The following ALMS1 variants were observed in gnomAD, a reference collection of about 807,000 sequenced individuals.
ALMS1 encodes the protein centrosome-associated protein ALMS1.
In ALMS1, 271 loss-of-function variants were observed where a neutral mutation model predicts 352.2. The ratio of observed to expected loss-of-function variants is 0.77; its 90% confidence interval spans 0.70 to 0.85. The LOEUF (loss-of-function observed/expected upper bound fraction) is 0.85. ALMS1 is among the 40% of genes least tolerant of loss of function. ALMS1 has a pLI of 0.00. For synonymous variants in ALMS1, 1,865 were observed against 1,761.2 expected, an observed-to-expected ratio of 1.06 and a Z score of -1.48; for missense variants, 5,445 against 4,870.7, an observed-to-expected ratio of 1.12 and a Z score of -3.51.
At position 73,491,329 on chromosome 2, in the gene ALMS1, G is replaced by A. The variant is rs182476784; in HGVS notation, c.9370G>A (p.Asp3124Asn). 1 of 1,614,144 alleles carries A rather than the reference G, an allele frequency of 6.2e-7. No individual in the cohort carries two copies. Among genetic ancestry groups the A allele is most frequent in the East Asian group, 2.2e-5 (1 of 44,872 alleles). Residue 3124 changes from aspartate to asparagine, a missense_variant, in exon 10 of 23, where the codon GAT becomes AAT. Physicochemically the swap from Asp to Asn is conservative, Grantham distance 23. Transcript: ENST00000613296. ...LGFLGPKSSL[D>N]FQVVQPSLPD... ...TTTTCTAGGACCTAAATCTTCACTG[G>A]ATTTCCAAGTCGTACAGCCTTCTCT...
At position 73,448,673 on chromosome 2, in the gene ALMS1, C is replaced by T. The variant is rs1205026049; in HGVS notation, c.2146C>T (p.His716Tyr). The T allele has an allele frequency of 1.2e-6, 2 of 1,611,682 alleles. No individual in the cohort carries two copies. Among genetic ancestry groups the T allele is most frequent in the Admixed American group, 1.7e-5 (1 of 59,824 alleles). ...GACAGCAACAGTACTCTCTACTCCC[C>T]ACTCACATAGAGAGAAGCCTGGTAT... is the stretch of plus-strand genomic sequence containing the variant. The part of the protein sequence containing the change: ...TGTATVLSTP[H>Y]SHREKPGIFY... Residue 716 changes from histidine to tyrosine, a missense_variant, in exon 8 of 23, where the codon CAC (histidine) becomes TAC (tyrosine). By Grantham distance (83) the His-to-Tyr change is moderately conservative. Transcript: ENST00000613296.
chr2:73,568,237 G>A (rs62149777), intron 15 of ALMS1, among the ~76,000 whole-genome samples: 18,885 of 152,196 alleles, frequency 0.12, 1,480 homozygotes, highest in Admixed American at 0.18. Flanking sequence ...AAACATTCAT[G>A]TACTCTTATA....
intron 10 of ALMS1, among the ~76,000 whole-genome samples, chr2:73,493,059 A>G (rs759369321): frequency 6.6e-6 from 1 of 152,184 alleles, no homozygotes; most frequent in Non-Finnish European, 1.5e-5. Context: ...AAGGTATTGT[A>G]CTGAATACCT....
intron 12 of ALMS1, among the ~76,000 whole-genome samples, chr2:73,547,159 C>G (rs751479840): frequency 1.1e-4 from 17 of 152,066 alleles, no homozygotes; most frequent in Non-Finnish European, 1.9e-4. Flanking sequence ...TGTAAATGTT[C>G]TGATTATGTT....
At chr2:73,454,349 A>G in intron 8 of ALMS1, 4 of 985,364 alleles carry the variant, frequency 4.1e-6, no homozygotes, top group Non-Finnish European at 4.8e-6. Context: ...TAGGAGAAGT[A>G]GATTCTGATG....
chr2:73,447,643 C>G (rs1019014094), intron 7 of ALMS1, among the ~76,000 whole-genome samples: 1 of 152,116 alleles, frequency 6.6e-6, no homozygotes, highest in African/African-American at 2.4e-5. Flanking sequence ...AGGGTGAAAT[C>G]AAATCCTAGA....
At chr2:73,395,820 A>G (rs1427817393) in intron 1 of ALMS1, among the ~76,000 whole-genome samples, 1 of 152,098 alleles carries the variant, frequency 6.6e-6, no homozygotes, top group Non-Finnish European at 1.5e-5. Context: ...CTTTAGTAAA[A>G]TATTCAATAG....
At chr2:73,553,915 G>T (rs952228642) in intron 13 of ALMS1, among the ~76,000 whole-genome samples, 3 of 152,000 alleles carry the variant, frequency 2.0e-5, no homozygotes, top group African/African-American at 4.8e-5. Flanking sequence ...GATAATTTCT[G>T]GAACATAAAA....
At chr2:73,484,997 C>T (rs1205572510) in intron 9 of ALMS1, among the ~76,000 whole-genome samples, 1 of 147,280 alleles carries the variant, frequency 6.8e-6, no homozygotes, top group African/African-American at 2.5e-5. Context: ...TCAAAGTTTT[C>T]AACTTCTTTG....
chr2:73,590,852 TG>T (rs1675418057), intron 16 of ALMS1, among the ~76,000 whole-genome samples: 1 of 152,070 alleles, frequency 6.6e-6, no homozygotes, highest in African/African-American at 2.4e-5. Flanking sequence ...CTAATTTTTT[TG>T]TATTTTTAGT....
intron 10 of ALMS1, among the ~76,000 whole-genome samples, chr2:73,510,221 A>G: frequency 6.6e-6 from 1 of 152,224 alleles, no homozygotes; most frequent in Non-Finnish European, 1.5e-5. Flanking sequence ...TACTTCTGTC[A>G]ATTTGTCAAA....
chr2:73,470,080 T>A (rs1672437118), intron 9 of ALMS1: 1 of 151,950 alleles, frequency 6.6e-6, no homozygotes, highest in Admixed American at 6.6e-5. Context: ...TTTTATTTAT[T>A]TGAGTCTTCT....
At chr2:73,605,764 G>A (rs1298431211) in intron 21 of ALMS1, among the ~76,000 whole-genome samples, 1 of 151,878 alleles carries the variant, frequency 6.6e-6, no homozygotes, top group Admixed American at 6.6e-5. Context: ...AATTGCCTGA[G>A]CCTGGGAGGC....
chr2:73,539,413 C>A (rs1004595564), intron 12 of ALMS1, among the ~76,000 whole-genome samples: 1 of 152,126 alleles, frequency 6.6e-6, no homozygotes, highest in African/African-American at 2.4e-5. Flanking sequence ...GATAAAACCA[C>A]AGAGATGGGG....
At chr2:73,535,821 A>T (rs2103994202) in intron 12 of ALMS1, among the ~76,000 whole-genome samples, 1 of 152,242 alleles carries the variant, frequency 6.6e-6, no homozygotes, top group East Asian at 1.9e-4. Flanking sequence ...ATATGACTTG[A>T]TTCACTTTAG....
In ALMS1 at chr2:73,489,852, A is replaced by T; in HGVS notation, c.7893A>T (p.Ala2631=). Reference sequence around the variant, plus strand: ...GAGCCAAGCATGTCAACCTTTCTGCATCCTTAGACCAGAACAACTCCCATT... The same window carrying T: ...GAGCCAAGCATGTCAACCTTTCTGCTTCCTTAGACCAGAACAACTCCCATT... ...SCRAKHVNLS[A]SLDQNNSHFK... is the part of the protein sequence containing the mutation. The change falls in exon 10 of 23, where the codon GCA becomes GCT. Residue 2631 remains alanine, a synonymous_variant. Coordinates refer to ENST00000613296, the MANE Select transcript of ALMS1 (RefSeq NM_001378454.1). 6.2e-7 allele frequency: 1 copy of T among 1,614,200 alleles called. No homozygotes were observed. Among genetic ancestry groups the T allele is most frequent in the Non-Finnish European group, 8.5e-7 (1 of 1,180,030 alleles).
intron 11 of ALMS1, among the ~76,000 whole-genome samples, chr2:73,520,769 A>G (rs780932876): frequency 1.2e-4 from 19 of 152,220 alleles, no homozygotes; most frequent in Admixed American, 3.3e-4. Context: ...TTTATATGCT[A>G]TAGTTTCAGT....
At chr2:73,479,951 T>C (rs570454144) in intron 9 of ALMS1, among the ~76,000 whole-genome samples, 1 of 152,314 alleles carries the variant, frequency 6.6e-6, no homozygotes, top group African/African-American at 2.4e-5. Flanking sequence ...GTTTTTAATG[T>C]GTATTTCCCT....
rs762397764 is a variant in ALMS1 at position 73,490,905 on chromosome 2, A to T, written c.8946A>T (p.Lys2982Asn). 1.2e-6 allele frequency: 2 copies of T among 1,614,000 alleles called. No homozygotes were observed. The highest frequency in any genetic ancestry group is 1.7e-6 in the Non-Finnish European group (2 of 1,179,960). Residue 2982 changes from lysine (K) to asparagine (N), a missense_variant, in exon 10 of 23, where the codon AAA (lysine) becomes AAT (asparagine). By Grantham distance (94) the Lys-to-Asn change is moderately conservative (BLOSUM62 0). Coordinates refer to ENST00000613296, the MANE Select transcript of ALMS1 (RefSeq NM_001378454.1). ...KAPGVDDQMNKHHFPLPQGQD... is the reference protein window; with the variant it reads ...KAPGVDDQMNNHHFPLPQGQD... ...CAGGTGTAGATGACCAAATGAATAAACACCATTTTCCCCTTCCTCAAGGTC... is the reference window on the plus strand; with the variant it reads ...CAGGTGTAGATGACCAAATGAATAATCACCATTTTCCCCTTCCTCAAGGTC...
Sources: allele counts gnomAD v4.1 joint callset (sites outside exome capture counted in the v4.1 genomes callset), GRCh38; gene constraint gnomAD v4.1.1; transcripts MANE v1.5; gene names NCBI Gene and HGNC (gene_info 2026-07-23, HGNC 2026-07-21).